The following KPNA7 variants were observed in gnomAD, a reference collection of about 807,000 sequenced individuals.
KPNA7 encodes the protein importin subunit alpha-8.
In KPNA7, 54 loss-of-function variants were observed where a neutral mutation model predicts 53.7. The ratio of observed to expected loss-of-function variants is 1.01; its 90% CI spans 0.81 to 1.26. KPNA7 has a LOEUF of 1.26. Among genes scored for constraint, KPNA7 ranks in the 50% most tolerant of loss-of-function variants. The pLI is 0.00. For synonymous variants in KPNA7, 276 were observed against 259.3 expected (o/e 1.06, Z -0.62); for missense variants, 640 against 644.5 (o/e 0.99, Z 0.07).
intron 9 of KPNA7, among the ~76,000 whole-genome samples, chr7:99,181,193 G>C (rs1030237394): frequency 1.7e-5 from 2 of 118,898 alleles, no homozygotes; most frequent in African/African-American, 3.3e-5. Flanking sequence ...CTCCGTCTGT[G>C]TCTCTCTCTC....
At chr7:99,203,916 G>A (rs1790671680) in intron 2 of KPNA7, among the ~76,000 whole-genome samples, 1 of 151,976 alleles carries the variant, frequency 6.6e-6, no homozygotes, top group South Asian at 2.1e-4. Context: ...TCTCCATGTT[G>A]GCCAGGCTGC....
At chr7:99,191,228 G>A (rs1190255861) in intron 6 of KPNA7, among the ~76,000 whole-genome samples, 1 of 150,994 alleles carries the variant, frequency 6.6e-6, no homozygotes, top group Non-Finnish European at 1.5e-5. Flanking sequence ...CACAATCTCG[G>A]CTCACTGCAA....
chr7:99,204,890 A>G (rs1243104908), intron 2 of KPNA7, among the ~76,000 whole-genome samples: 21 of 152,082 alleles, frequency 1.4e-4, no homozygotes, highest in Non-Finnish European at 2.9e-4. Context: ...TAAAAGGGTC[A>G]TGGTGGCATT....
chr7:99,210,408 C>CTGTG (rs35030072), upstream of KPNA7, among the ~76,000 whole-genome samples: 9,266 of 152,252 alleles, frequency 0.061, 317 homozygotes, highest in South Asian at 0.15. Flanking sequence ...GGTAACAGTA[C>CTGTG]TGTGTCTTAG....
downstream of KPNA7, among the ~76,000 whole-genome samples, chr7:99,172,398 T>C (rs1798786055): frequency 6.6e-6 from 1 of 152,188 alleles, no homozygotes; most frequent in Non-Finnish European, 1.5e-5. Flanking sequence ...AAAAATTAAG[T>C]ATACAAGAAA....
chr7:99,175,812 G>T (rs924121521), intron 10 of KPNA7, among the ~76,000 whole-genome samples: 5 of 151,806 alleles, frequency 3.3e-5, no homozygotes, highest in African/African-American at 1.2e-4. Flanking sequence ...GCTCCCAGCC[G>T]AGAGCATCAT....
chr7:99,153,213 G>A, the KPNA7 span, among the ~76,000 whole-genome samples: 3 of 152,124 alleles, frequency 2.0e-5, no homozygotes, highest in Non-Finnish European at 4.4e-5. Context: ...GTGGGGGTTG[G>A]TACCAACAGT....
the KPNA7 span, among the ~76,000 whole-genome samples, chr7:99,158,911 C>A: frequency 1.1e-4 from 16 of 152,116 alleles, no homozygotes; most frequent in African/African-American, 3.9e-4. Flanking sequence ...GTCACCCAGA[C>A]TGGAGTGTAG....
At chr7:99,212,673 T>C (rs538446501), upstream of KPNA7, among the ~76,000 whole-genome samples, 389 of 152,002 alleles carry the variant, frequency 2.6e-3, 1 homozygote, top group African/African-American at 8.7e-3. Flanking sequence ...AGGCAGAAGC[T>C]TGAGGCAGGA....
At chr7:99,217,832 T>A (rs1248936644) in intron 1 of KPNA7, among the ~76,000 whole-genome samples, 2 of 152,046 alleles carry the variant, frequency 1.3e-5, no homozygotes, top group East Asian at 3.9e-4. Context: ...AGTTTCATCA[T>A]GTTGGCCAGA....
the KPNA7 span, among the ~76,000 whole-genome samples, chr7:99,148,901 T>TTG: frequency 2.6e-4 from 39 of 149,276 alleles, no homozygotes; most frequent in Non-Finnish European, 5.4e-4. Flanking sequence ...AACCGTTTTT[T>TTG]TTTTTTTTTT....
At chr7:99,209,900 T>C (rs1211182187), upstream of KPNA7, among the ~76,000 whole-genome samples, 1 of 150,504 alleles carries the variant, frequency 6.6e-6, no homozygotes, top group Admixed American at 6.6e-5. Flanking sequence ...CCCAGCTACT[T>C]GAGGCTGAGG....
At chr7:99,208,686 A>G (rs1440595715), upstream of KPNA7, among the ~76,000 whole-genome samples, 2 of 152,134 alleles carry the variant, frequency 1.3e-5, no homozygotes, top group African/African-American at 4.8e-5. Context: ...GATTACAGGC[A>G]TGAACCTGAA....
the KPNA7 span, among the ~76,000 whole-genome samples, chr7:99,151,840 A>T: frequency 1.3e-5 from 2 of 151,968 alleles, no homozygotes; most frequent in African/African-American, 4.8e-5. Context: ...TAGTCCCTGT[A>T]TTTTGTGGTT....
At chr7:99,208,145 C>A (rs530761384), upstream of KPNA7, among the ~76,000 whole-genome samples, 1 of 151,928 alleles carries the variant, frequency 6.6e-6, no homozygotes, top group Non-Finnish European at 1.5e-5. Flanking sequence ...GGCACAATCA[C>A]GGCTCACTGC....
At chr7:99,190,091 C>G (rs1409908490) in intron 6 of KPNA7, among the ~76,000 whole-genome samples, 1 of 151,938 alleles carries the variant, frequency 6.6e-6, no homozygotes, top group East Asian at 1.9e-4. Flanking sequence ...GTAACCCCAA[C>G]ACTTTGGGAG....
chr7:99,205,950 A>AC (rs1347961465), intron 2 of KPNA7, among the ~76,000 whole-genome samples: 12 of 151,874 alleles, frequency 7.9e-5, no homozygotes, highest in African/African-American at 2.4e-4. Flanking sequence ...CACAGCACAC[A>AC]CCCCCCGTCC....
downstream of KPNA7, among the ~76,000 whole-genome samples, chr7:99,169,207 T>C (rs945857526): frequency 6.6e-6 from 1 of 152,148 alleles, no homozygotes; most frequent in African/African-American, 2.4e-5. Flanking sequence ...ATTGGAATTT[T>C]AGCCCCCAGG....
At chr7:99,172,707 A>G (rs183890883), downstream of KPNA7, among the ~76,000 whole-genome samples, 325 of 152,302 alleles carry the variant, frequency 2.1e-3, 1 homozygote, top group African/African-American at 7.0e-3. Flanking sequence ...GCCAGAGGAA[A>G]GAAGGCCAGT....
Sources: gnomAD v4.1 joint callset for allele counts (sites outside exome capture counted in the v4.1 genomes callset) on GRCh38, gnomAD v4.1.1 for gene constraint, MANE v1.5 for transcripts, NCBI Gene and HGNC (gene_info 2026-07-23, HGNC 2026-07-21) for gene names.